Variants in MDGA2 observed in about 807,000 individuals in gnomAD.
MDGA2 encodes MAM domain containing glycosylphosphatidylinositol anchor 2.
Under a neutral mutation model 117.8 loss-of-function variants are expected in MDGA2, and 40 were observed. That is an observed-to-expected ratio of 0.34 (90% CI 0.26 to 0.44). The LOEUF is 0.44. Among genes scored for constraint, MDGA2 ranks in the 20% least tolerant of loss-of-function variants. MDGA2 has a pLI of 1.00. For missense variants in MDGA2, 1,123 were observed against 1,250.6 expected, an observed-to-expected ratio of 0.90 and a Z score of 1.54; for synonymous variants, 452 against 439.0, an observed-to-expected ratio of 1.03 and a Z score of -0.37.
intron 9 of MDGA2, among the ~76,000 whole-genome samples, chr14:46,944,162 C>T (rs1885090652): frequency 6.6e-6 from 1 of 151,922 alleles, no homozygotes. Flanking sequence ...TGCAGTTTCA[C>T]AGACTACCAA....
chr14:47,428,507 A>G (rs982947598), intron 1 of MDGA2, among the ~76,000 whole-genome samples: 2 of 152,144 alleles, frequency 1.3e-5, no homozygotes, highest in African/African-American at 4.8e-5. Flanking sequence ...GGAATGTGCT[A>G]CTGTTTCACA....
At chr14:46,897,520 C>T (rs1259254629) in intron 10 of MDGA2, among the ~76,000 whole-genome samples, 5 of 152,088 alleles carry the variant, frequency 3.3e-5, no homozygotes, top group Admixed American at 3.3e-4. Flanking sequence ...TGTTGAGAGC[C>T]TATTACTTAA....
chr14:47,223,875 T>C (rs1886385440), intron 2 of MDGA2, among the ~76,000 whole-genome samples: 1 of 152,112 alleles, frequency 6.6e-6, no homozygotes, highest in Non-Finnish European at 1.5e-5. Flanking sequence ...ACATCCTTTT[T>C]CACATGGCGG....
chr14:46,953,582 A>G (rs575810685), intron 9 of MDGA2, among the ~76,000 whole-genome samples: 1 of 152,014 alleles, frequency 6.6e-6, no homozygotes, highest in African/African-American at 2.4e-5. Flanking sequence ...AACTAGACAA[A>G]ACAAAAAAGC....
At chr14:47,179,779 A>C (rs1372949442) in intron 3 of MDGA2, among the ~76,000 whole-genome samples, 2 of 152,150 alleles carry the variant, frequency 1.3e-5, no homozygotes, top group Non-Finnish European at 2.9e-5. Flanking sequence ...TCTTCTCACC[A>C]AAATATTCTA....
At chr14:47,504,552 C>A (rs1194154082) in intron 1 of MDGA2, among the ~76,000 whole-genome samples, 1 of 151,916 alleles carries the variant, frequency 6.6e-6, no homozygotes, top group East Asian at 1.9e-4. Flanking sequence ...TAGACATTTT[C>A]TAAAAGAAGA....
At chr14:47,217,384 G>A (rs1473856995) in intron 3 of MDGA2, among the ~76,000 whole-genome samples, 1 of 151,718 alleles carries the variant, frequency 6.6e-6, no homozygotes, top group African/African-American at 2.4e-5. Context: ...TAAGTAAGGA[G>A]ACCAAAAAGA....
intron 8 of MDGA2, among the ~76,000 whole-genome samples, chr14:47,026,897 C>T (rs1359353444): frequency 2.0e-5 from 3 of 151,992 alleles, no homozygotes; most frequent in Non-Finnish European, 4.4e-5. Flanking sequence ...CTCAGTGGGG[C>T]GTAGTGGTTC....
At chr14:47,611,132 T>C (rs953968976) in intron 1 of MDGA2, among the ~76,000 whole-genome samples, 5 of 152,000 alleles carry the variant, frequency 3.3e-5, no homozygotes, top group African/African-American at 1.2e-4. Flanking sequence ...TCAAAAATGG[T>C]GCTGGGATAA....
intron 9 of MDGA2, among the ~76,000 whole-genome samples, chr14:46,942,889 T>C (rs953677035): frequency 6.6e-6 from 1 of 152,134 alleles, no homozygotes; most frequent in Non-Finnish European, 1.5e-5. Context: ...ACATGTGCTT[T>C]CATTTCTGTT....
chr14:47,129,458 A>C (rs1464595347), intron 5 of MDGA2, among the ~76,000 whole-genome samples: 24 of 151,670 alleles, frequency 1.6e-4, no homozygotes, highest in Non-Finnish European at 2.2e-4. Flanking sequence ...TCCATGGTGT[A>C]TATGTGCCAC....
intron 2 of MDGA2, among the ~76,000 whole-genome samples, chr14:47,292,857 C>T (rs967624468): frequency 2.0e-5 from 3 of 152,082 alleles, no homozygotes; most frequent in Admixed American, 1.3e-4. Flanking sequence ...GTATTTCATC[C>T]CTAAAAACAC....
rs1295757351 is a variant in MDGA2 at position 47,582,375 on chromosome 14, G to A, written c.280+92142C>T. Among the ~76,000 whole-genome samples the A allele has an allele frequency of 2.6e-5, 4 of 151,976 alleles. No individual in the cohort carries two copies. The East Asian group carries it at 7.7e-4, about 29-fold the overall frequency. ...CAATCAATTCATGTTTTAAAAATGT[G>A]ATGAGAATGGCTTTTACATGTGGCT... On this transcript the variant is annotated intron_variant, in intron 1 of 16. Transcript: ENST00000399232.
Position 46,945,102 on chromosome 14 carries a change from C to G in MDGA2, c.2089+12272G>C, listed in dbSNP as rs566695944. Among the ~76,000 whole-genome samples, 81 of 152,048 alleles carry G rather than the reference C, an allele frequency of 5.3e-4. 2 individuals carry two copies. The South Asian group carries it at 0.016, about 30-fold the overall frequency. ...CTCTCTTTCACCCTGTAAAGAGTGC[C>G]AAGTTTTAGTTTAGTAGACAGTTCA... On this transcript the variant is annotated intron_variant, in intron 9 of 16. Coordinates refer to ENST00000399232, the MANE Select transcript of MDGA2 (RefSeq NM_001113498.3).
intron 9 of MDGA2, among the ~76,000 whole-genome samples, chr14:46,952,861 A>G (rs1885417974): frequency 6.6e-6 from 1 of 151,980 alleles, no homozygotes; most frequent in South Asian, 2.1e-4. Context: ...TATTTTAAAT[A>G]TTAATGAATG....
At chr14:47,301,756 T>C (rs1343042135) in intron 1 of MDGA2, among the ~76,000 whole-genome samples, 1 of 152,182 alleles carries the variant, frequency 6.6e-6, no homozygotes, top group Non-Finnish European at 1.5e-5. Context: ...CCAACACATT[T>C]CCAGGGGAAC....
In MDGA2 at chr14:47,627,210, G is replaced by C. The variant is rs1164632; in HGVS notation, c.280+47307C>G. Among the ~76,000 whole-genome samples the C allele has an allele frequency of 3.1e-3, 467 of 151,838 alleles. 4 individuals carry two copies. Among genetic ancestry groups the C allele is most frequent in the African/African-American group, 0.011 (444 of 41,410 alleles). ...CAATCAGCACCCCGTGCCTAGCTCAGGGTTTGTGAATGCACCAATTGGCAC... is the reference window on the plus strand; with the variant it reads ...CAATCAGCACCCCGTGCCTAGCTCACGGTTTGTGAATGCACCAATTGGCAC... On this transcript the variant is annotated intron_variant, in intron 1 of 16. Coordinates refer to ENST00000399232, the MANE Select transcript of MDGA2 (RefSeq NM_001113498.3).
intron 1 of MDGA2, among the ~76,000 whole-genome samples, chr14:47,451,475 G>C (rs1345698910): frequency 6.6e-6 from 1 of 152,108 alleles, no homozygotes; most frequent in African/African-American, 2.4e-5. Flanking sequence ...AACAGGATAT[G>C]ATTCTGGGAA....
intron 1 of MDGA2, among the ~76,000 whole-genome samples, chr14:47,639,976 A>C (rs1897392934): frequency 6.6e-6 from 1 of 152,162 alleles, no homozygotes; most frequent in African/African-American, 2.4e-5. Context: ...AAAGAATGGA[A>C]GGTAAGTATA....
Sources: allele counts gnomAD v4.1 joint callset (sites outside exome capture counted in the v4.1 genomes callset), GRCh38; gene constraint gnomAD v4.1.1; transcripts MANE v1.5; gene names NCBI Gene and HGNC (gene_info 2026-07-23, HGNC 2026-07-21).